The following ZBTB45 variants were observed in gnomAD, a reference collection of about 807,000 sequenced individuals.
The protein encoded by ZBTB45 is zinc finger and BTB domain-containing protein 45.
Under a neutral mutation model 28.4 loss-of-function variants are expected in ZBTB45, and 22 were observed. That is an observed-to-expected ratio of 0.77 (90% confidence interval 0.55 to 1.10). The LOEUF is 1.10. Ranked by LOEUF, ZBTB45 falls within the 50% of genes least tolerant of loss-of-function variation. ZBTB45 has a pLI of 0.00. For missense variants in ZBTB45, 656 were observed against 750.2 expected, an observed-to-expected ratio of 0.87 and a Z score of 1.47; for synonymous variants, 361 against 332.3, an observed-to-expected ratio of 1.09 and a Z score of -0.94.
chr19:58,522,549 C>T (rs961344655), upstream of ZBTB45, among the ~76,000 whole-genome samples: 3 of 151,942 alleles, frequency 2.0e-5, no homozygotes, highest in Non-Finnish European at 4.4e-5. Flanking sequence ...GCAGGAGAAT[C>T]GCTTGAACCC....
In ZBTB45 at chr19:58,516,956, A is replaced by T; in HGVS notation, c.718T>A (p.Cys240Ser). The change falls in exon 2 of 3, where the codon TGT becomes AGT. Residue 240 changes from cysteine (C) to serine (S), a missense_variant. Transcript: ENST00000594051. The surrounding 1 kb of genome is among the most constrained non-coding windows in gnomAD (Gnocchi z 6.2). ...EGQAPPSFPD[C>S]AAGFLTAAAD... is the part of the protein sequence containing the mutation. ...GCAGCAGTGAGGAAGCCAGCAGCAC[A>T]GTCTGGGAAGGAAGGAGGTGCCTGG... The T allele has an allele frequency of 3.1e-6, 5 of 1,613,278 alleles. No individual in the cohort carries two copies. Among genetic ancestry groups the T allele is most frequent in the Non-Finnish European group, 4.2e-6 (5 of 1,180,012 alleles).
rs903525055 is a variant in ZBTB45, at chr19:58,526,354, C to G, written c.1-8681G>C. On this transcript the variant is annotated intron_variant, in intron 1 of 1. Coordinates refer to the ZBTB45 transcript ENST00000600130. Reference sequence around the variant, plus strand: ...CCTCCTGAGTAGCTGGGATTACAGGCGCCTGCCACCATGTCCAGTTAATTT... The same window carrying G: ...CCTCCTGAGTAGCTGGGATTACAGGGGCCTGCCACCATGTCCAGTTAATTT... 2.0e-5 allele frequency among the ~76,000 whole-genome samples: 3 copies of G among 151,602 alleles called. No homozygotes were observed. In the East Asian group the frequency reaches 5.8e-4, roughly 29 times the overall value.
At chr19:58,521,387 AAG>A (rs1306598424), upstream of ZBTB45, among the ~76,000 whole-genome samples, 1,019 of 107,464 alleles carry the variant, frequency 9.5e-3, 15 homozygotes, top group African/African-American at 0.025. Flanking sequence ...AAAAAAAAGA[AAG>A]AAAGAAAAGA....
rs1405694661 is a variant in ZBTB45 at position 58,515,582 on chromosome 19, C to T, written c.1279+813G>A. ...CACTCCCCAGCTTAGAACACCATGG[C>T]TTCCCCACCACTCACAGTCAAATCC... On this transcript the variant is annotated intron_variant, in intron 2 of 2. Transcript: ENST00000594051. This position sits in a 1 kb window ranked among gnomAD's most constrained non-coding sequence, Gnocchi z 4.7. Among the ~76,000 whole-genome samples, 3 of 152,184 alleles carry T rather than the reference C, an allele frequency of 2.0e-5. No homozygotes were observed. Among genetic ancestry groups the T allele is most frequent in the Non-Finnish European group, 4.4e-5 (3 of 68,020 alleles).
intron 1 of ZBTB45, among the ~76,000 whole-genome samples, chr19:58,525,290 A>G (rs2053601775): frequency 2.0e-5 from 3 of 152,172 alleles, no homozygotes; most frequent in Non-Finnish European, 4.4e-5. Context: ...TACAGGTCCC[A>G]TGATCCATGC....
chr19:58,514,319 G>A lies in ZBTB45; in HGVS notation c.1280-9C>T, dbSNP rs552106103. The A allele has an allele frequency of 4.4e-6, 7 of 1,588,352 alleles. No homozygotes were observed. The East Asian group carries it at 1.6e-4, about 36-fold the overall frequency. On this transcript the variant is annotated splice_polypyrimidine_tract_variant and intron_variant, in intron 2 of 2. Coordinates refer to ENST00000594051, the MANE Select transcript of ZBTB45 (RefSeq NM_001316979.2). Reference sequence around the variant, plus strand: ...CTGGTGCGGCTTCTCCCCTGCGGAAGACAGGGCGGGCCGCGAACGCAAGTC... The same window carrying A: ...CTGGTGCGGCTTCTCCCCTGCGGAAAACAGGGCGGGCCGCGAACGCAAGTC...
intron 1 of ZBTB45, among the ~76,000 whole-genome samples, chr19:58,534,386 T>C (rs1600071630): frequency 6.6e-6 from 1 of 151,188 alleles, no homozygotes; most frequent in South Asian, 2.1e-4. Context: ...TATGTGAATA[T>C]TATTATTATT....
At chr19:58,528,802 G>A (rs943569768) in intron 1 of ZBTB45, among the ~76,000 whole-genome samples, 13 of 151,204 alleles carry the variant, frequency 8.6e-5, no homozygotes, top group Non-Finnish European at 1.6e-4. Flanking sequence ...GCTGAGGCAG[G>A]AGAATCACCT....
Position 58,513,843 on chromosome 19 carries a change from A to G in ZBTB45, c.*211T>C. On this transcript the variant is annotated 3_prime_UTR_variant, in exon 3 of 3. Coordinates refer to ENST00000594051, the MANE Select transcript of ZBTB45 (RefSeq NM_001316979.2). ...AAGTGGTCTAACCAGCCCCAGCCCC[A>G]GCCCGGCACCACCTGGAGGGTTCAA... 1.8e-6 allele frequency: 1 copy of G among 564,108 alleles called. No homozygotes were observed. Among genetic ancestry groups the G allele is most frequent in the Non-Finnish European group, 2.7e-6 (1 of 364,882 alleles). The allele number at this position is 564,108 out of a possible 1,614,324, so 34.9% of individuals were successfully genotyped here. A position where few individuals can be genotyped will look rare whatever the true frequency, so the allele number is the denominator to read the frequency against.
chr19:58,530,220 C>CACACAA (rs2053628911), intron 1 of ZBTB45, among the ~76,000 whole-genome samples: 1 of 151,290 alleles, frequency 6.6e-6, no homozygotes, highest in African/African-American at 2.4e-5. Flanking sequence ...CACACACACA[C>CACACAA]ACACACACAC....
intron 1 of ZBTB45, among the ~76,000 whole-genome samples, chr19:58,537,151 G>A (rs1433307943): frequency 6.6e-6 from 1 of 152,112 alleles, no homozygotes; most frequent in Non-Finnish European, 1.5e-5. Context: ...TGCTGTCCCT[G>A]AGTCAGCTTG....
intron 1 of ZBTB45, among the ~76,000 whole-genome samples, chr19:58,525,094 G>C (rs1216314518): frequency 1.3e-5 from 2 of 152,070 alleles, no homozygotes; most frequent in Non-Finnish European, 2.9e-5. Context: ...TCCCACCAAG[G>C]AGTCTTCCAG....
upstream of ZBTB45, among the ~76,000 whole-genome samples, chr19:58,523,668 T>TTTTG (rs201887642): frequency 5.4e-5 from 8 of 147,532 alleles, no homozygotes; most frequent in East Asian, 6.5e-4. Flanking sequence ...ACTCCATCTT[T>TTTTG]TTTGTTTGTT....
upstream of ZBTB45, among the ~76,000 whole-genome samples, chr19:58,522,192 G>A (rs1226945962): frequency 1.4e-5 from 2 of 144,004 alleles, no homozygotes; most frequent in African/African-American, 5.2e-5. Flanking sequence ...ACAAAGTCTC[G>A]CTCTTGTCCC....
At chr19:58,523,580 C>T (rs1477371605), upstream of ZBTB45, among the ~76,000 whole-genome samples, 3 of 143,464 alleles carry the variant, frequency 2.1e-5, no homozygotes, top group African/African-American at 7.8e-5. Flanking sequence ...AGGAGAATAG[C>T]TTGAACCTGG....
chr19:58,520,764 C>G (rs1258643794), upstream of ZBTB45, among the ~76,000 whole-genome samples: 1 of 152,138 alleles, frequency 6.6e-6, no homozygotes, highest in Non-Finnish European at 1.5e-5. Flanking sequence ...AGCAAGAAAA[C>G]AGACCTCATG....
At chr19:58,526,910 C>T (rs1397196022) in intron 1 of ZBTB45, among the ~76,000 whole-genome samples, 1 of 152,126 alleles carries the variant, frequency 6.6e-6, no homozygotes, top group African/African-American at 2.4e-5. Flanking sequence ...TCACTGCAGC[C>T]TCATCCTCCC....
At position 58,517,176 on chromosome 19, in the gene ZBTB45, A is replaced by C; in HGVS notation, c.498T>G (p.Gly166=). ...GGCGCTGCTTACGGCTGTGTGCAGC[A>C]CCGGGGTGCCCCGGGGGACGTGCAG... The part of the protein sequence containing the change: ...LLAARPPGHP[G]AAHSRKQRQP... Residue 166 remains glycine (G), a synonymous_variant, in exon 2 of 3, where the codon GGT becomes GGG. Transcript: ENST00000594051. 1 of 1,608,832 alleles carries C rather than the reference A, an allele frequency of 6.2e-7. No homozygotes were observed.
At chr19:58,520,565 A>G (rs1444918515), upstream of ZBTB45, among the ~76,000 whole-genome samples, 2 of 152,212 alleles carry the variant, frequency 1.3e-5, no homozygotes, top group Admixed American at 6.5e-5. Context: ...ATCTTAAAAT[A>G]GGATATGATT....
Sources: gnomAD v4.1 joint callset for allele counts (sites outside exome capture counted in the v4.1 genomes callset) on GRCh38, gnomAD v4.1.1 for gene constraint, Gnocchi (gnomAD v3.1) non-coding constraint, MANE v1.5 for transcripts, NCBI Gene and HGNC (gene_info 2026-07-23, HGNC 2026-07-21) for gene names.